The following SCML2 variants were observed in gnomAD, a reference collection of about 807,000 sequenced individuals.
SCML2 encodes the protein sex comb on midleg-like protein 2.
A neutral mutation model predicts 48.4 loss-of-function variants in SCML2; 6 were observed. That is an observed-to-expected ratio of 0.12 (90% CI 0.07 to 0.24). SCML2 has a LOEUF of 0.24. Among genes scored for constraint, SCML2 ranks in the 10% least tolerant of loss-of-function variants. The pLI, the probability that SCML2 is intolerant of heterozygous loss-of-function variation, is 1.00. For synonymous variants in SCML2, 181 were observed against 189.5 expected, an observed-to-expected ratio of 0.95 and a Z score of 0.37; for missense variants, 377 against 528.2, an observed-to-expected ratio of 0.71 and a Z score of 2.81.
chrX:18,313,575 C>T (rs1015514340), intron 6 of SCML2, among the ~76,000 whole-genome samples: 2 of 111,296 alleles, frequency 1.8e-5, no homozygotes, highest in African/African-American at 6.5e-5. Flanking sequence ...CAGCAAAGTC[C>T]CTCCCACATG....
chrX:18,274,116 G>A (rs1306110997), intron 7 of SCML2, among the ~76,000 whole-genome samples: 1 of 112,311 alleles, frequency 8.9e-6, no homozygotes, highest in East Asian at 2.8e-4. Context: ...CCACTGAGCT[G>A]TTAACACTTA....
chrX:18,282,670 TAC>T (rs1255761717), intron 7 of SCML2, among the ~76,000 whole-genome samples: 1 of 110,934 alleles, frequency 9.0e-6, no homozygotes, highest in African/African-American at 3.3e-5. Flanking sequence ...AACAAAACTC[TAC>T]ACACACAAAT....
chrX:18,267,116 G>A (rs1173426576), intron 7 of SCML2, among the ~76,000 whole-genome samples: 2 of 112,033 alleles, frequency 1.8e-5, no homozygotes, highest in Non-Finnish European at 3.8e-5. Context: ...TCACTGGAGA[G>A]TTCAGCTATT....
At chrX:18,317,951 T>C (rs1166793564) in intron 6 of SCML2, among the ~76,000 whole-genome samples, 1 of 110,558 alleles carries the variant, frequency 9.0e-6, no homozygotes, top group Non-Finnish European at 1.9e-5. Context: ...TCACTCTAGC[T>C]AAGAGTATAG....
intron 2 of SCML2, among the ~76,000 whole-genome samples, chrX:18,332,340 T>C (rs1929684384): frequency 8.9e-6 from 1 of 112,516 alleles, no homozygotes; most frequent in East Asian, 2.8e-4. Flanking sequence ...CTCATGGATT[T>C]AAACATACTT....
intron 7 of SCML2, among the ~76,000 whole-genome samples, chrX:18,299,746 T>C (rs986143838): frequency 1.8e-5 from 2 of 109,007 alleles, no homozygotes; most frequent in Non-Finnish European, 3.8e-5. Flanking sequence ...TTTTTTTTTT[T>C]TTTTAAATAG....
chrX:18,354,666 C>G lies in SCML2; in HGVS notation c.-99G>C. On this transcript the variant is annotated 5_prime_UTR_variant, in exon 1 of 15. Transcript: ENST00000251900. ...GAGCCGGCACCGAGCTTCACACCGCCGCCGCCATGTTTGAGAAGCCGCGCG... is the reference window on the plus strand; with the variant it reads ...GAGCCGGCACCGAGCTTCACACCGCGGCCGCCATGTTTGAGAAGCCGCGCG... The G allele has an allele frequency of 3.5e-6, 1 of 285,837 alleles. No homozygotes were observed. The highest frequency in any genetic ancestry group is 5.0e-5 in the East Asian group (1 of 20,135). 23.6% of individuals were successfully genotyped at this position (285,837 alleles called of 1,213,427 possible). A position where few individuals can be genotyped will look rare whatever the true frequency, so the allele number is the denominator to read the frequency against.
rs1323997660 is a variant in SCML2, at chrX:18,346,048, C to T, written c.-25+8544G>A. ...CCAAAGTGCCGGGATTACAGGCTCA[C>T]GTAAGCCACGGCGCTCGGCCGAGAT... is the stretch of plus-strand genomic sequence containing the variant. On this transcript the variant is annotated intron_variant, in intron 1 of 14. Coordinates refer to ENST00000251900, the MANE Select transcript of SCML2 (RefSeq NM_006089.3). Among the ~76,000 whole-genome samples, 3 of 110,887 alleles carry T rather than the reference C, an allele frequency of 2.7e-5. 1 individual carries two copies. The highest frequency in any genetic ancestry group is 5.7e-4 in the East Asian group (2 of 3,531).
chrX:18,327,112 T>C (rs758133169), intron 3 of SCML2, among the ~76,000 whole-genome samples: 6 of 110,684 alleles, frequency 5.4e-5, no homozygotes, highest in African/African-American at 2.0e-4. Context: ...GGCTCACTCC[T>C]GTAATCCCAG....
chrX:18,311,660 A>C (rs1928952477), intron 6 of SCML2, among the ~76,000 whole-genome samples: 1 of 112,199 alleles, frequency 8.9e-6, no homozygotes, highest in African/African-American at 3.2e-5. Context: ...ACAGATAATG[A>C]GGGGTCATAT....
intron 1 of SCML2, among the ~76,000 whole-genome samples, chrX:18,351,226 C>T (rs761955897): frequency 1.1e-3 from 116 of 108,609 alleles, no homozygotes; most frequent in Non-Finnish European, 2.0e-3. Context: ...GCTGAGATCA[C>T]GCCACTGCAC....
chrX:18,250,531 GCCA>G (rs1031695810), intron 11 of SCML2, among the ~76,000 whole-genome samples: 1 of 109,414 alleles, frequency 9.1e-6, no homozygotes, highest in Non-Finnish European at 1.9e-5. Flanking sequence ...ACAGGCACCC[GCCA>G]CCACACCTGG....
At chrX:18,265,996 T>C (rs1402276640) in intron 7 of SCML2, among the ~76,000 whole-genome samples, 194 bp from the exon 8 acceptor site, 1 of 111,832 alleles carries the variant, frequency 8.9e-6, no homozygotes, top group African/African-American at 3.2e-5. Flanking sequence ...TTGAAAATAG[T>C]TTAATTCTCC....
At chrX:18,307,531 A>G (rs1308930071) in intron 6 of SCML2, among the ~76,000 whole-genome samples, 2 of 112,080 alleles carry the variant, frequency 1.8e-5, no homozygotes, top group African/African-American at 3.2e-5. Flanking sequence ...CAAGGCACAC[A>G]TAAGGATCCC....
At chrX:18,272,616 C>A (rs2147489400) in intron 7 of SCML2, among the ~76,000 whole-genome samples, 1 of 112,527 alleles carries the variant, frequency 8.9e-6, no homozygotes, top group East Asian at 2.8e-4. Context: ...CCACACAATA[C>A]CTCCTATGAG....
rs1429980637 is a variant in SCML2 at position 18,320,504 on chromosome X, C to A, written c.398-84G>T. 5.5e-6 allele frequency: 3 copies of A among 544,496 alleles called. No individual in the cohort carries two copies. The African/African-American group carries it at 7.0e-5, about 13-fold the overall frequency. The allele number at this position is 544,496 out of a possible 1,213,427, so 44.9% of individuals were successfully genotyped here. ...GTTGGTATAAAAAATAGGTTTCATT[C>A]ACCATTCTTCTCGAGAGAATGACTT... On this transcript the variant is annotated intron_variant, in intron 5 of 14. Transcript: ENST00000251900.
At chrX:18,338,301 G>A (rs763739957) in intron 1 of SCML2, among the ~76,000 whole-genome samples, 9 of 109,742 alleles carry the variant, frequency 8.2e-5, no homozygotes, top group Admixed American at 3.9e-4. Context: ...AAAATTAGCC[G>A]GGCATGGTGG....
At chrX:18,267,560 GGTCTCT>G (rs1382752617) in intron 7 of SCML2, among the ~76,000 whole-genome samples, 1 of 108,445 alleles carries the variant, frequency 9.2e-6, no homozygotes, top group Admixed American at 9.9e-5. Context: ...GGCCACATAA[GGTCTCT>G]GTCGTACATT....
chrX:18,247,752 G>A lies in SCML2; in HGVS notation c.1570+17C>T, dbSNP rs751685044. The A allele has an allele frequency of 4.9e-5, 52 of 1,058,576 alleles. No homozygotes were observed. The Admixed American group carries it at 1.1e-3, about 22-fold the overall frequency. 87.2% of individuals were successfully genotyped at this position (1,058,576 alleles called of 1,213,427 possible). On this transcript the variant is annotated intron_variant, in intron 12 of 14. Coordinates refer to ENST00000251900, the MANE Select transcript of SCML2 (RefSeq NM_006089.3). The stretch of plus-strand genomic sequence containing the variant: ...AAACATTTCTTCCCAGTCCTGGGAG[G>A]TGTAAATGCTATTTACCTTCAGACG...
Sources: allele counts gnomAD v4.1 joint callset (sites outside exome capture counted in the v4.1 genomes callset), GRCh38; gene constraint gnomAD v4.1.1; transcripts MANE v1.5; gene names NCBI Gene and HGNC (gene_info 2026-07-23, HGNC 2026-07-21).